Variants in SLC1A2 observed in about 807,000 individuals in gnomAD.
The protein encoded by SLC1A2 is solute carrier family 1 member 2.
A neutral mutation model predicts 48.8 loss-of-function variants in SLC1A2; 15 were observed. That is an observed-to-expected ratio of 0.31 (90% CI 0.21 to 0.47). SLC1A2 has a LOEUF of 0.47. SLC1A2 is among the 20% of genes least tolerant of loss of function. SLC1A2 has a pLI of 0.99. For synonymous variants in SLC1A2, 279 were observed against 272.6 expected, an observed-to-expected ratio of 1.02 and a Z score of -0.23; for missense variants, 502 against 730.5, an observed-to-expected ratio of 0.69 and a Z score of 3.61.
At chr11:35,302,749 T>G (rs114727453) in intron 5 of SLC1A2, among the ~76,000 whole-genome samples, 1,686 of 151,846 alleles carry the variant, frequency 0.011, 34 homozygotes, top group African/African-American at 0.038. Flanking sequence ...CGCTCAGGCC[T>G]GCAGTCTCAC....
intron 1 of SLC1A2, among the ~76,000 whole-genome samples, chr11:35,366,991 A>G (rs984203731): frequency 2.6e-5 from 4 of 152,244 alleles, no homozygotes; most frequent in African/African-American, 4.8e-5. Flanking sequence ...AAGCTGACTA[A>G]TACAGGGCTT....
chr11:35,308,359 C>T (rs902131502), intron 4 of SLC1A2, among the ~76,000 whole-genome samples: 10 of 152,270 alleles, frequency 6.6e-5, no homozygotes, highest in African/African-American at 2.4e-4. Flanking sequence ...GAACGCAGGC[C>T]GAGTTCTCTG....
At chr11:35,323,028 C>T (rs749984105) in intron 1 of SLC1A2, 20 of 468,822 alleles carry the variant, frequency 4.3e-5, no homozygotes, top group Admixed American at 3.8e-4. Flanking sequence ...TGTCACAGAT[C>T]CTGCAAATGA....
intron 1 of SLC1A2, among the ~76,000 whole-genome samples, chr11:35,359,302 C>T (rs975269314): frequency 6.6e-5 from 10 of 152,268 alleles, no homozygotes; most frequent in African/African-American, 2.4e-4. Flanking sequence ...TTAAGGACTG[C>T]GTCACACACT....
chr11:35,301,960 G>T (rs1851369772), intron 5 of SLC1A2, among the ~76,000 whole-genome samples: 1 of 152,174 alleles, frequency 6.6e-6, no homozygotes. Flanking sequence ...GAAATCATGT[G>T]TAAGCAGATT....
At chr11:35,391,518 C>CA (rs1854768412) in intron 1 of SLC1A2, 1 of 152,210 alleles carries the variant, frequency 6.6e-6, no homozygotes, top group Non-Finnish European at 1.5e-5. Flanking sequence ...CCTTCCCATA[C>CA]ACCCTCCAAA....
chr11:35,367,900 G>T (rs1853908077), intron 1 of SLC1A2, among the ~76,000 whole-genome samples: 1 of 152,106 alleles, frequency 6.6e-6, no homozygotes, highest in Non-Finnish European at 1.5e-5. Context: ...ATAAATAGAG[G>T]GTGGAAGTGA....
In SLC1A2 at chr11:35,328,275, G is replaced by T. The variant is rs189591476; in HGVS notation, c.18-10759C>A. ...ACCTCAAGGGTTCACTCCAACTCTG[G>T]TTCTTCACCGGGAAGGACTCCCCCA... is the stretch of plus-strand genomic sequence containing the variant. On this transcript the variant is annotated intron_variant, in intron 1 of 10. Coordinates refer to ENST00000278379, the MANE Select transcript of SLC1A2 (RefSeq NM_004171.4). Among the ~76,000 whole-genome samples, 122 of 152,242 alleles carry T rather than the reference G, an allele frequency of 8.0e-4. No individual in the cohort carries two copies. The East Asian group carries it at 0.02, about 25-fold the overall frequency.
chr11:35,386,687 G>A (rs1854593642), intron 1 of SLC1A2, among the ~76,000 whole-genome samples: 3 of 152,126 alleles, frequency 2.0e-5, no homozygotes, highest in Non-Finnish European at 4.4e-5. Context: ...AAAAGCAATA[G>A]CTAACATACT....
At chr11:35,420,141 T>G (rs1448809282), upstream of SLC1A2, 2 of 185,408 alleles carry the variant, frequency 1.1e-5, no homozygotes, top group South Asian at 8.1e-5. Flanking sequence ...CGGGATTTTT[T>G]TTTTTTTTTT....
chr11:35,380,228 G>A (rs1029858622), intron 1 of SLC1A2: 16 of 396,592 alleles, frequency 4.0e-5, no homozygotes, highest in Non-Finnish European at 6.7e-5. Flanking sequence ...CAGCTCTGCA[G>A]TCCTGTGAAA....
chr11:35,261,671 T>TTCTG (rs1950396305), intron 10 of SLC1A2: 1 of 398,670 alleles, frequency 2.5e-6, no homozygotes, highest in Non-Finnish European at 4.4e-6. Flanking sequence ...CTAGCTTACC[T>TTCTG]TCTGTCTGTC....
At chr11:35,365,566 A>G (rs1055404123) in intron 1 of SLC1A2, among the ~76,000 whole-genome samples, 77 of 148,820 alleles carry the variant, frequency 5.2e-4, no homozygotes, top group Non-Finnish European at 2.1e-4. Flanking sequence ...CATCCGAAAA[A>G]CTCCTCTTCA....
At chr11:35,343,002 G>A (rs1852899036) in intron 1 of SLC1A2, among the ~76,000 whole-genome samples, 1 of 152,140 alleles carries the variant, frequency 6.6e-6, no homozygotes, top group East Asian at 1.9e-4. Flanking sequence ...GAACACTAAT[G>A]GTTCTAGAGT....
intron 1 of SLC1A2, chr11:35,380,511 T>C (rs1854386805): frequency 2.5e-6 from 1 of 398,250 alleles, no homozygotes; most frequent in Non-Finnish European, 4.4e-6. Context: ...GTCTGATCTC[T>C]CGATACATCT....
intron 1 of SLC1A2, chr11:35,374,304 T>C (rs1854152411): frequency 2.9e-6 from 3 of 1,046,798 alleles, no homozygotes; most frequent in African/African-American, 3.2e-5. Context: ...CACAGAATTC[T>C]CTCCAGAAGA....
chr11:35,389,050 C>T (rs1270988476), intron 1 of SLC1A2, among the ~76,000 whole-genome samples: 1 of 152,104 alleles, frequency 6.6e-6, no homozygotes, highest in African/African-American at 2.4e-5. Flanking sequence ...TGCAATATAC[C>T]CACGTAACAA....
chr11:35,418,848 G>A, intron 1 of SLC1A2, 102 bp downstream of exon 1: 9 of 1,081,222 alleles, frequency 8.3e-6, no homozygotes, highest in South Asian at 2.7e-5. Flanking sequence ...CACCACCTCC[G>A]AGGCCCGCCG....
At chr11:35,311,533 T>C (rs2134862947) in intron 4 of SLC1A2, among the ~76,000 whole-genome samples, 1 of 152,320 alleles carries the variant, frequency 6.6e-6, no homozygotes, top group African/African-American at 2.4e-5. Flanking sequence ...GGAAACAGCA[T>C]TCTCAACATA....
Sources: gnomAD v4.1 joint callset for allele counts (sites outside exome capture counted in the v4.1 genomes callset) on GRCh38, gnomAD v4.1.1 for gene constraint, MANE v1.5 for transcripts, NCBI Gene and HGNC (gene_info 2026-07-23, HGNC 2026-07-21) for gene names.